CERS1: variants seen among roughly 807,000 people sequenced by gnomAD.
CERS1 encodes Embryonic growth/differentiation factor 1.
In CERS1, 16 loss-of-function variants were observed where a neutral mutation model predicts 35.7. The observed-to-expected ratio is 0.45, with a 90% CI of 0.30 to 0.68. The LOEUF (loss-of-function observed/expected upper bound fraction) is 0.68, where lower values mean the gene tolerates loss of function less well. Ranked by LOEUF, CERS1 falls within the 30% of genes least tolerant of loss-of-function variation. The pLI is 0.08. For missense variants in CERS1, 454 were observed against 453.9 expected, an observed-to-expected ratio of 1.00 and a Z score of 0.00; for synonymous variants, 243 against 201.6, an observed-to-expected ratio of 1.21 and a Z score of -1.74.
chr19:18,869,343 G>A lies in CERS1; in HGVS notation c.*642C>T, dbSNP rs1279373441. On this transcript the variant is annotated 3_prime_UTR_variant, in exon 8 of 8. Coordinates refer to ENST00000623882, the MANE Select transcript of CERS1 (RefSeq NM_021267.5). ...AGGTCGAAGACGACTGTCCACTCAGGGCAATGCCCCGCGGCCGAGGCAGGC... is the reference window on the plus strand; with the variant it reads ...AGGTCGAAGACGACTGTCCACTCAGAGCAATGCCCCGCGGCCGAGGCAGGC... 6.5e-7 allele frequency: 1 copy of A among 1,531,930 alleles called. No homozygotes were observed. Among genetic ancestry groups the A allele is most frequent in the South Asian group, 1.2e-5 (1 of 83,960 alleles). The allele number at this position is 1,531,930 out of a possible 1,614,324, so 94.9% of individuals were successfully genotyped here.
At position 18,878,507 on chromosome 19, in the gene CERS1, T is replaced by C. The variant is rs913720054; in HGVS notation, c.1010+423A>G. On this transcript the variant is annotated intron_variant, in intron 6 of 7. Transcript: ENST00000623882. This position sits in a 1 kb window ranked among gnomAD's most constrained non-coding sequence, Gnocchi z 4.6. ...CGGCCCAGATGGAGCCTGGGTTCTCTCTGTGGCCCTTGGCGTTCCTTCCTC... is the reference window on the plus strand; with the variant it reads ...CGGCCCAGATGGAGCCTGGGTTCTCCCTGTGGCCCTTGGCGTTCCTTCCTC... 9.9e-7 allele frequency: 1 copy of C among 1,005,362 alleles called. No homozygotes were observed. The highest frequency in any genetic ancestry group is 1.7e-5 in the African/African-American group (1 of 57,720). The allele number at this position is 1,005,362 out of a possible 1,614,324, so 62.3% of individuals were successfully genotyped here. A position where few individuals can be genotyped will look rare whatever the true frequency, so the allele number is the denominator to read the frequency against.
At chr19:18,883,019 T>C (rs2146028657) in intron 3 of CERS1, 1 of 152,306 alleles carries the variant, frequency 6.6e-6, no homozygotes, top group Non-Finnish European at 1.5e-5. Flanking sequence ...AGACAGGGTC[T>C]CCCTACGTTG....
chr19:18,883,973 A>G (rs2056281296), intron 3 of CERS1, 114 bp downstream of exon 3: 3 of 1,154,044 alleles, frequency 2.6e-6, no homozygotes, highest in Middle Eastern at 2.7e-4. Flanking sequence ...AACCCTGAGC[A>G]CTCCGACCTG....
At chr19:18,869,869 G>T in intron 7 of CERS1, 114 bp downstream of exon 7, 1 of 1,036,088 alleles carries the variant, frequency 9.7e-7, no homozygotes, top group Non-Finnish European at 1.4e-6. Flanking sequence ...TAGTAGCCTG[G>T]ACAGGGCGGG....
chr19:18,872,553 T>C (rs373987166), intron 6 of CERS1, among the ~76,000 whole-genome samples: 1 of 151,482 alleles, frequency 6.6e-6, no homozygotes, highest in Non-Finnish European at 1.5e-5. Flanking sequence ...CTCGCTCTTG[T>C]CCCCCAGGCG....
Position 18,868,825 on chromosome 19 carries a change from C to G in CERS1, c.*1160G>C, listed in dbSNP as rs890558836. The stretch of plus-strand genomic sequence containing the variant: ...GCGCGACGGGCAGCGCGCACTGACC[C>G]TGGCAGTAGTTGGCCAGGAAGCCGC... On this transcript the variant is annotated 3_prime_UTR_variant, in exon 8 of 8. Coordinates refer to ENST00000623882, the MANE Select transcript of CERS1 (RefSeq NM_021267.5). 5.5e-6 allele frequency: 8 copies of G among 1,457,152 alleles called. No homozygotes were observed. Among genetic ancestry groups the G allele is most frequent in the Non-Finnish European group, 7.3e-6 (8 of 1,095,034 alleles). 90.3% of individuals were successfully genotyped at this position (1,457,152 alleles called of 1,614,324 possible).
At chr19:18,887,182 T>C (rs8100983) in intron 2 of CERS1, among the ~76,000 whole-genome samples, 3,178 of 152,334 alleles carry the variant, frequency 0.021, 101 homozygotes, top group African/African-American at 0.072. Context: ...TGAAAAAGAA[T>C]GAAGCACGGA....
At chr19:18,872,948 C>G (rs1236724510) in intron 6 of CERS1, among the ~76,000 whole-genome samples, 1 of 152,226 alleles carries the variant, frequency 6.6e-6, no homozygotes, top group Admixed American at 6.5e-5. Context: ...CCATGCCGGG[C>G]CGAGATGGCC....
intron 6 of CERS1, among the ~76,000 whole-genome samples, chr19:18,871,110 C>G (rs1044192093): frequency 6.7e-6 from 1 of 149,462 alleles, no homozygotes. Flanking sequence ...TTTTTTTGGT[C>G]TTACTCTGTG....
Position 18,896,057 on chromosome 19 carries a change from G to T in CERS1, c.16C>A (p.Pro6Thr), listed in dbSNP as rs1041161328. The T allele has an allele frequency of 1.5e-4, 143 of 982,440 alleles. No individual in the cohort carries two copies. The African/African-American group carries it at 2.5e-3, about 17-fold the overall frequency. The allele number at this position is 982,440 out of a possible 1,614,324, so 60.9% of individuals were successfully genotyped here. The part of the protein sequence containing the change: MAAAG[P>T]AAGPTGPEPM... ...TCGGGCCCCGTCGGCCCCGCCGCGGGCCCCGCCGCCGCCATACCGCCCGCT... is the reference window on the plus strand; with the variant it reads ...TCGGGCCCCGTCGGCCCCGCCGCGGTCCCCGCCGCCGCCATACCGCCCGCT... Residue 6 changes from proline (P) to threonine (T), a missense_variant, in exon 1 of 8, where the codon CCC (proline) becomes ACC (threonine). Coordinates refer to ENST00000623882, the MANE Select transcript of CERS1 (RefSeq NM_021267.5). The surrounding 1 kb of genome is among the most constrained non-coding windows in gnomAD (Gnocchi z 5.9).
intron 2 of CERS1, among the ~76,000 whole-genome samples, chr19:18,890,797 A>AAAG (rs1225092133): frequency 6.7e-6 from 1 of 150,124 alleles, no homozygotes; most frequent in Non-Finnish European, 1.5e-5. Context: ...AAAAAAAAAA[A>AAAG]AAAAAAGCAG....
At chr19:18,869,842 G>C in intron 7 of CERS1, 141 bp downstream of exon 7, 1 of 769,950 alleles carries the variant, frequency 1.3e-6, no homozygotes, top group Non-Finnish European at 2.2e-6. Flanking sequence ...AGGGTGAGGT[G>C]CGGTGGCCGA....
At chr19:18,888,000 A>C (rs1022312994) in intron 2 of CERS1, among the ~76,000 whole-genome samples, 3 of 152,048 alleles carry the variant, frequency 2.0e-5, no homozygotes, top group Non-Finnish European at 4.4e-5. Flanking sequence ...AAGTGGAATC[A>C]CATAGTATTT....
chr19:18,893,303 C>T, intron 2 of CERS1, 113 bp downstream of exon 2: 1 of 1,259,750 alleles, frequency 7.9e-7, no homozygotes, highest in Non-Finnish European at 1.1e-6. Context: ...TGGCCTCCAA[C>T]TCCTGGGCTC....
In CERS1 at chr19:18,895,468, C is replaced by T. The variant is rs968560324; in HGVS notation, c.249+356G>A. Among the ~76,000 whole-genome samples the T allele has an allele frequency of 7.9e-5, 12 of 152,024 alleles. No individual in the cohort carries two copies. The highest frequency in any genetic ancestry group is 1.5e-4 in the Non-Finnish European group (10 of 67,982). On this transcript the variant is annotated intron_variant, in intron 1 of 7. Coordinates refer to ENST00000623882, the MANE Select transcript of CERS1 (RefSeq NM_021267.5). The surrounding 1 kb of genome is among the most constrained non-coding windows in gnomAD (Gnocchi z 6.4). The stretch of plus-strand genomic sequence containing the variant: ...GCCGGAGCCATCCACCGCGCGGGGC[C>T]CCCTGGTCCCAAACTGACCGGAAAG...
In CERS1 at chr19:18,893,458, T is replaced by C. The variant is rs1410715415; in HGVS notation, c.367A>G (p.Thr123Ala). ...GGGTCATGGAAGAAGGGGTAGTCGG[T>C]GCCAAACAGCAGGTAGGCACTGTAG... ...WSYSAYLLFG[T>A]DYPFFHDPPS... Residue 123 changes from threonine to alanine, a missense_variant, in exon 2 of 8, where the codon ACC becomes GCC. By Grantham distance (58) the Thr-to-Ala change is moderately conservative (BLOSUM62 0). Transcript: ENST00000623882. 3 of 1,606,426 alleles carry C rather than the reference T, an allele frequency of 1.9e-6. No homozygotes were observed. Among genetic ancestry groups the C allele is most frequent in the Non-Finnish European group, 2.5e-6 (3 of 1,176,806 alleles).
intron 3 of CERS1, chr19:18,881,911 G>C (rs2056220342): frequency 6.6e-6 from 1 of 152,252 alleles, no homozygotes; most frequent in African/African-American, 2.4e-5. Context: ...CCGGGTTCAA[G>C]CGATTCTCCC....
chr19:18,869,315 G>T lies in CERS1; in HGVS notation c.*670C>A. 1 of 1,521,848 alleles carries T rather than the reference G, an allele frequency of 6.6e-7. No homozygotes were observed. The highest frequency in any genetic ancestry group is 8.8e-7 in the Non-Finnish European group (1 of 1,141,972). The allele number at this position is 1,521,848 out of a possible 1,614,324, so 94.3% of individuals were successfully genotyped here. On this transcript the variant is annotated 3_prime_UTR_variant, in exon 8 of 8. Transcript: ENST00000623882. ...CGGGCGCTCAGCGGGTTCCACAGCC[G>T]ACAGGTCGAAGACGACTGTCCACTC...
chr19:18,869,896 T>C, intron 7 of CERS1, 87 bp downstream of exon 7: 4 of 1,337,222 alleles, frequency 3.0e-6, no homozygotes, highest in Non-Finnish European at 4.2e-6. Flanking sequence ...CCCTCGGAGC[T>C]GCTCGGGCAT....
Sources: gnomAD v4.1 joint callset for allele counts (sites outside exome capture counted in the v4.1 genomes callset) on GRCh38, gnomAD v4.1.1 for gene constraint, Gnocchi (gnomAD v3.1) non-coding constraint, MANE v1.5 for transcripts, NCBI Gene and HGNC (gene_info 2026-07-23, HGNC 2026-07-21) for gene names.